Variants in TNS1 observed in about 807,000 individuals in gnomAD.
TNS1 encodes tensin 1.
A neutral mutation model predicts 168.6 loss-of-function variants in TNS1; 62 were observed. The observed-to-expected ratio is 0.37, with a 90% CI of 0.30 to 0.45. The LOEUF (loss-of-function observed/expected upper bound fraction) is 0.45, where lower values mean the gene tolerates loss of function less well. Among genes scored for constraint, TNS1 ranks in the 20% least tolerant of loss-of-function variants. The pLI, the probability that TNS1 is intolerant of heterozygous loss-of-function variation, is 1.00. For missense variants in TNS1, 2,240 were observed against 2,339.4 expected, an observed-to-expected ratio of 0.96 and a Z score of 0.88; for synonymous variants, 934 against 933.2, an observed-to-expected ratio of 1.00 and a Z score of -0.02.
rs151290720 is a variant in TNS1 at position 218,018,515 on chromosome 2, C to T, written c.156+15305G>A. Among the ~76,000 whole-genome samples the T allele has an allele frequency of 1.6e-3, 242 of 152,356 alleles. 3 individuals are homozygous for T. The highest frequency in any genetic ancestry group is 4.6e-3 in the African/African-American group (192 of 41,582). Reference sequence around the variant, plus strand: ...ACCTATTTCCAGGGCCATCTTAGACCCCATGGGGAACGAGGCCGCTTCTCA... The same window carrying T: ...ACCTATTTCCAGGGCCATCTTAGACTCCATGGGGAACGAGGCCGCTTCTCA... On this transcript the variant is annotated intron_variant, in intron 1 of 1. Coordinates refer to the TNS1 transcript ENST00000649572.
chr2:217,909,371 C>A (rs568559709), intron 4 of TNS1, among the ~76,000 whole-genome samples: 2 of 152,272 alleles, frequency 1.3e-5, no homozygotes, highest in South Asian at 4.2e-4. Flanking sequence ...CTAGAATGGA[C>A]AGACATGGAG....
rs757573999 is a variant in TNS1, at chr2:217,821,781, G to A, written c.3531C>T (p.Pro1177=). 90 of 1,525,874 alleles carry A rather than the reference G, an allele frequency of 5.9e-5. No individual in the cohort carries two copies. The highest frequency in any genetic ancestry group is 7.6e-5 in the Non-Finnish European group (86 of 1,138,952). 94.5% of individuals were successfully genotyped at this position (1,525,874 alleles called of 1,614,324 possible). Residue 1177 remains proline, a synonymous_variant, in exon 23 of 33, where the codon CCC becomes CCT. Coordinates refer to ENST00000682258, the MANE Select transcript of TNS1 (RefSeq NM_001387777.1). ...NGTLGGSFVS[P]SPLSTSSPIL... The stretch of plus-strand genomic sequence containing the variant: ...TGGGGCTGCTGGTGGAGAGGGGGCT[G>A]GGGGAGACAAAGGAGCCACCCAGGG...
At chr2:217,910,713 TACACACACACACACACACACACAC>T (rs10554233) in intron 4 of TNS1, among the ~76,000 whole-genome samples, 135 of 106,838 alleles carry the variant, frequency 1.3e-3, no homozygotes, top group African/African-American at 4.0e-3. Flanking sequence ...CACATACACA[TACACACACACACACACACACACAC>T]ACACACACAC....
intron 1 of TNS1, among the ~76,000 whole-genome samples, chr2:218,017,892 G>T (rs1354680347): frequency 6.6e-6 from 1 of 152,192 alleles, no homozygotes; most frequent in Non-Finnish European, 1.5e-5. Context: ...CCCCGCCAGA[G>T]CCCTCAGCCA....
chr2:217,855,655 A>G (rs777167406), intron 18 of TNS1, among the ~76,000 whole-genome samples: 47 of 152,252 alleles, frequency 3.1e-4, no homozygotes, highest in Non-Finnish European at 6.2e-4. Flanking sequence ...TTGAAGTTCA[A>G]TATGTAACCT....
At chr2:217,808,046 G>GCTGGGCAGGGGTAAGAAGTCACACTTA (rs1559136970) in intron 32 of TNS1, 29 bp downstream of exon 32, 1 of 1,612,798 alleles carries the variant, frequency 6.2e-7, no homozygotes, top group Non-Finnish European at 8.5e-7. Flanking sequence ...AGGCCAGCCT[G>GCTGGGCAGGGGTAAGAAGTCACACTTA]CTGGGCAGGG....
intron 7 of TNS1, among the ~76,000 whole-genome samples, chr2:217,899,126 C>A (rs1270395037): frequency 6.6e-6 from 1 of 152,154 alleles, no homozygotes; most frequent in East Asian, 1.9e-4. Context: ...GCTGAGAAGC[C>A]ATGAGGAATC....
chr2:217,909,055 C>T (rs1173076069), intron 4 of TNS1, among the ~76,000 whole-genome samples: 2 of 151,080 alleles, frequency 1.3e-5, no homozygotes, highest in Non-Finnish European at 3.0e-5. Context: ...CAGCCGCCAA[C>T]AACCCAGCCC....
At chr2:217,831,683 G>A (rs769602660) in intron 21 of TNS1, 136 bp from the exon 22 acceptor site, 20 of 568,800 alleles carry the variant, frequency 3.5e-5, no homozygotes, top group Middle Eastern at 4.7e-4. Flanking sequence ...GAGGCCCAGC[G>A]CTTTGGCTCC....
At chr2:217,941,796 AG>A (rs1452851700) in intron 3 of TNS1, among the ~76,000 whole-genome samples, 4 of 152,140 alleles carry the variant, frequency 2.6e-5, no homozygotes, top group African/African-American at 9.7e-5. Context: ...CTGACCCACC[AG>A]GGTCCTTAGG....
intron 22 of TNS1, among the ~76,000 whole-genome samples, chr2:217,824,292 C>T (rs1398270690): frequency 6.6e-6 from 1 of 152,210 alleles, no homozygotes; most frequent in Non-Finnish European, 1.5e-5. Flanking sequence ...TAATTAGTGG[C>T]AGTGAACACT....
chr2:217,936,306 C>T (rs1027018988), intron 3 of TNS1, among the ~76,000 whole-genome samples: 1 of 152,176 alleles, frequency 6.6e-6, no homozygotes, highest in Non-Finnish European at 1.5e-5. Flanking sequence ...AAGCTGCCTA[C>T]AGTCTACCCT....
intron 18 of TNS1, among the ~76,000 whole-genome samples, chr2:217,861,390 C>T (rs1948771699): frequency 6.6e-6 from 1 of 152,224 alleles, no homozygotes; most frequent in Admixed American, 6.5e-5. Context: ...TGCTTCTCTG[C>T]ACTTGCTTCC....
At chr2:217,979,166 G>T (rs1957975196) in intron 2 of TNS1, among the ~76,000 whole-genome samples, 1 of 152,164 alleles carries the variant, frequency 6.6e-6, no homozygotes, top group Non-Finnish European at 1.5e-5. Flanking sequence ...GAATAAGGGG[G>T]GCCTTCTCCC....
At chr2:218,020,063 T>C (rs1958794385) in intron 1 of TNS1, among the ~76,000 whole-genome samples, 1 of 152,204 alleles carries the variant, frequency 6.6e-6, no homozygotes, top group Non-Finnish European at 1.5e-5. Flanking sequence ...ACTCTCGCTC[T>C]GTCTTAAGCC....
intron 1 of TNS1, among the ~76,000 whole-genome samples, chr2:218,029,795 G>T (rs1174255280): frequency 6.6e-6 from 1 of 152,232 alleles, no homozygotes; most frequent in Non-Finnish European, 1.5e-5. Context: ...CATTCTGAGA[G>T]CTGTCACTGT....
intron 3 of TNS1, among the ~76,000 whole-genome samples, chr2:217,961,504 G>C (rs1575140625): frequency 6.6e-6 from 1 of 152,190 alleles, no homozygotes; most frequent in East Asian, 1.9e-4. Context: ...TTCTCACTCT[G>C]GCTTAAAGGC....
intron 6 of TNS1, chr2:217,903,546 T>A (rs1953275378): frequency 6.6e-7 from 1 of 1,525,458 alleles, no homozygotes; most frequent in African/African-American, 1.4e-5. Context: ...CACAGGTTGA[T>A]TACAGAACTT....
At chr2:217,883,698 A>C (rs554893261) in intron 16 of TNS1, among the ~76,000 whole-genome samples, 31 of 152,164 alleles carry the variant, frequency 2.0e-4, no homozygotes, top group Non-Finnish European at 4.0e-4. Context: ...CTATGCCTTT[A>C]TTTTTCCTTG....
Sources: gnomAD v4.1 joint callset for allele counts (sites outside exome capture counted in the v4.1 genomes callset) on GRCh38, gnomAD v4.1.1 for gene constraint, MANE v1.5 for transcripts, NCBI Gene and HGNC (gene_info 2026-07-23, HGNC 2026-07-21) for gene names.